Variants in ZNF280B observed in about 807,000 individuals in gnomAD.
ZNF280B encodes the protein zinc finger protein 280B.
A neutral mutation model predicts 38.0 loss-of-function variants in ZNF280B; 16 were observed. The ratio of observed to expected loss-of-function variants is 0.42; its 90% CI spans 0.28 to 0.64. ZNF280B has a LOEUF of 0.64. Among genes scored for constraint, ZNF280B ranks in the 30% least tolerant of loss-of-function variants. The pLI is 0.21. For missense variants in ZNF280B, 581 were observed against 639.6 expected (o/e 0.91, Z 0.99); for synonymous variants, 253 against 230.6 (o/e 1.10, Z -0.88).
intron 2 of ZNF280B, among the ~76,000 whole-genome samples, chr22:22,504,279 A>T (rs2061887213): frequency 6.6e-6 from 1 of 151,734 alleles, no homozygotes; most frequent in Non-Finnish European, 1.5e-5. Flanking sequence ...TAAAAATACA[A>T]AAACTTAGCT....
chr22:22,489,369 C>T lies in ZNF280B; in HGVS notation c.30G>A (p.Glu10=), dbSNP rs749721484. ...CTTGTATGTTCTTCTGTGGTTCAGG[C>T]TCTTTCTCTTCCTCACATGATTGTT... The part of the protein sequence containing the change: MEQSCEEEK[E]PEPQKNIQET... The change falls in exon 4 of 4, where the codon GAG becomes GAA. Residue 10 remains glutamate (E), a synonymous_variant. Coordinates refer to ENST00000626650, the MANE Select transcript of ZNF280B (RefSeq NM_080764.4). 6 of 1,606,606 alleles carry T rather than the reference C, an allele frequency of 3.7e-6. No individual in the cohort carries two copies. Among genetic ancestry groups the T allele is most frequent in the Admixed American group, 1.7e-5 (1 of 58,424 alleles).
rs1569172267 is a variant in ZNF280B, at chr22:22,487,929, C to T, written c.1470G>A (p.Lys490=). 6.2e-7 allele frequency: 1 copy of T among 1,613,678 alleles called. No individual in the cohort carries two copies. Reference sequence around the variant, plus strand: ...TTTCAGGAGGTAATCCTTCTAGTTGCTTAGGCTTCTTAAACATTTGATGAC... The same window carrying T: ...TTTCAGGAGGTAATCCTTCTAGTTGTTTAGGCTTCTTAAACATTTGATGAC... ...TQCHQMFKKP[K]QLEGLPPETK... The change falls in exon 4 of 4, where the codon AAG becomes AAA. Residue 490 remains lysine, a synonymous_variant. Coordinates refer to ENST00000626650, the MANE Select transcript of ZNF280B (RefSeq NM_080764.4).
intron 2 of ZNF280B, among the ~76,000 whole-genome samples, chr22:22,500,832 C>G (rs2061801630): frequency 6.6e-6 from 1 of 151,584 alleles, no homozygotes; most frequent in Non-Finnish European, 1.5e-5. Context: ...GCACTCCAGC[C>G]TAGGCGACAA....
At chr22:22,506,523 C>G (rs991655574) in intron 2 of ZNF280B, among the ~76,000 whole-genome samples, 2 of 151,532 alleles carry the variant, frequency 1.3e-5, no homozygotes, top group Admixed American at 6.6e-5. Context: ...TAAGGAAGAA[C>G]GAGAACAGGA....
At position 22,487,295 on chromosome 22, in the gene ZNF280B, T is replaced by C. The variant is rs5758477; in HGVS notation, c.*472A>G. 22,432 of 150,646 alleles carry C rather than the reference T, an allele frequency of 0.15. 1,953 individuals carry two copies. The highest frequency in any genetic ancestry group is 0.29 in the South Asian group (1,389 of 4,730). The allele number at this position is 150,646 out of a possible 1,614,324, so 9.3% of individuals were successfully genotyped here. A position where few individuals can be genotyped will look rare whatever the true frequency, so the allele number is the denominator to read the frequency against. ...CGCTACAAAAAATTAAAATAAAAAA[T>C]TAGCTGGGTGTGGTGGCTGCGCCTG... is the stretch of plus-strand genomic sequence containing the variant. On this transcript the variant is annotated 3_prime_UTR_variant, in exon 4 of 4. Transcript: ENST00000626650.
chr22:22,502,823 C>G (rs1359260403), intron 2 of ZNF280B, among the ~76,000 whole-genome samples: 2 of 151,906 alleles, frequency 1.3e-5, no homozygotes, highest in African/African-American at 4.8e-5. Context: ...AATATCAGGT[C>G]CTAATCCCTT....
At chr22:22,490,604 A>C (rs1347061251) in intron 3 of ZNF280B, among the ~76,000 whole-genome samples, 1 of 151,752 alleles carries the variant, frequency 6.6e-6, no homozygotes, top group Non-Finnish European at 1.5e-5. Context: ...AGTAGCTGGG[A>C]CTACAGGCAT....
chr22:22,495,973 T>C (rs963988142), intron 2 of ZNF280B, among the ~76,000 whole-genome samples: 2 of 150,804 alleles, frequency 1.3e-5, no homozygotes, highest in African/African-American at 4.9e-5. Context: ...GCCTGGCGAA[T>C]TTTTGTATTT....
intron 2 of ZNF280B, among the ~76,000 whole-genome samples, chr22:22,505,746 G>A (rs937058404): frequency 4.6e-5 from 7 of 151,540 alleles, no homozygotes; most frequent in African/African-American, 7.3e-5. Context: ...GTGACAGAGC[G>A]AAACTCCATC....
intron 2 of ZNF280B, among the ~76,000 whole-genome samples, chr22:22,501,032 A>C (rs1401729893): frequency 1.7e-4 from 26 of 150,568 alleles, no homozygotes; most frequent in Non-Finnish European, 3.4e-4. Flanking sequence ...AAAAAAAAAA[A>C]AAAAAAAAAC....
Position 22,488,648 on chromosome 22 carries a change from T to C in ZNF280B, c.751A>G (p.Thr251Ala). ...AATTCATTTGCCCTATCAAGATTTGTATTTATAGGCTTGAAATGGATATTG... is the reference window on the plus strand; with the variant it reads ...AATTCATTTGCCCTATCAAGATTTGCATTTATAGGCTTGAAATGGATATTG... The part of the protein sequence containing the change: ...KDNIHFKPIN[T>A]NLDRANELAK... The change falls in exon 4 of 4, where the codon ACA becomes GCA. Residue 251 changes from threonine to alanine, a missense_variant. Coordinates refer to ENST00000626650, the MANE Select transcript of ZNF280B (RefSeq NM_080764.4). 1.2e-6 allele frequency: 2 copies of C among 1,613,868 alleles called. No homozygotes were observed. The highest frequency in any genetic ancestry group is 1.7e-6 in the Non-Finnish European group (2 of 1,179,960).
rs748312091 is a variant in ZNF280B at position 22,489,208 on chromosome 22, ACT to A, written c.189_190del (p.Arg63SerfsTer13). The A allele has an allele frequency of 6.2e-7, 1 of 1,613,662 alleles. No individual in the cohort carries two copies. The highest frequency in any genetic ancestry group is 1.7e-5 in the Admixed American group (1 of 59,952). On this transcript the variant is annotated frameshift_variant, in exon 4 of 4. Transcript: ENST00000626650. LOFTEE classifies it high-confidence loss of function. ...TCTCCTTGACCATGAACCCGGGGTGACTCTGTTCAAAATGTTTGAAACGACTG... is the reference window on the plus strand; with the variant it reads ...TCTCCTTGACCATGAACCCGGGGTGACTGTTCAAAATGTTTGAAACGACTG...
At chr22:22,499,533 C>T (rs2061773670) in intron 2 of ZNF280B, among the ~76,000 whole-genome samples, 1 of 152,012 alleles carries the variant, frequency 6.6e-6, no homozygotes, top group African/African-American at 2.4e-5. Context: ...TCCCAAAGTG[C>T]TGGGATTACA....
At chr22:22,502,148 G>A (rs189204518) in intron 2 of ZNF280B, among the ~76,000 whole-genome samples, 38 of 151,836 alleles carry the variant, frequency 2.5e-4, no homozygotes, top group Admixed American at 1.8e-3. Context: ...ATAAAAAATG[G>A]GCGAAGGATT....
intron 2 of ZNF280B, among the ~76,000 whole-genome samples, chr22:22,496,895 G>A (rs1175884179): frequency 7.4e-5 from 11 of 148,604 alleles, no homozygotes; most frequent in Admixed American, 5.5e-4. Context: ...TCGGCTCACT[G>A]CAACCTCCAC....
chr22:22,505,437 G>C (rs897091541), intron 2 of ZNF280B, among the ~76,000 whole-genome samples: 1 of 151,820 alleles, frequency 6.6e-6, no homozygotes, highest in Non-Finnish European at 1.5e-5. Flanking sequence ...GTGCTGGCAC[G>C]TGCCTGTAGT....
At chr22:22,504,332 CAGG>C (rs1020596862) in intron 2 of ZNF280B, among the ~76,000 whole-genome samples, 3 of 150,538 alleles carry the variant, frequency 2.0e-5, no homozygotes, top group Middle Eastern at 6.6e-3. Flanking sequence ...ACTCAGGAGG[CAGG>C]AGAATTGCTT....
chr22:22,492,380 G>C (rs905680616), intron 3 of ZNF280B, among the ~76,000 whole-genome samples: 1 of 151,748 alleles, frequency 6.6e-6, no homozygotes, highest in East Asian at 2.0e-4. Context: ...GGGGGCTGTC[G>C]AGAGCACTGT....
chr22:22,500,367 A>T (rs1009803643), intron 2 of ZNF280B, among the ~76,000 whole-genome samples: 1 of 109,272 alleles, frequency 9.2e-6, no homozygotes, highest in Admixed American at 8.6e-5. Context: ...ACAAAATATT[A>T]TATATATATA....
Sources: gnomAD v4.1 joint callset for allele counts (sites outside exome capture counted in the v4.1 genomes callset) on GRCh38, gnomAD v4.1.1 for gene constraint, MANE v1.5 for transcripts, NCBI Gene and HGNC (gene_info 2026-07-23, HGNC 2026-07-21) for gene names.